OGDHL: variants seen among roughly 807,000 people sequenced by gnomAD.
The protein encoded by OGDHL is 2-oxoglutarate dehydrogenase-like, mitochondrial.
OGDHL carries 79 observed loss-of-function variants against 109.6 expected under a neutral mutation model. That is an observed-to-expected ratio of 0.72 (90% CI 0.60 to 0.87). The LOEUF (loss-of-function observed/expected upper bound fraction) is 0.87. OGDHL is among the 40% of genes least tolerant of loss of function. The probability of loss-of-function intolerance (pLI) is 0.00; values close to 1 mark genes in which losing one functional copy is unlikely to be tolerated. For missense variants in OGDHL, 1,275 were observed against 1,362.2 expected (o/e 0.94, Z 1.01); for synonymous variants, 528 against 537.2 (o/e 0.98, Z 0.24).
Position 49,737,811 on chromosome 10 carries a change from C to T in OGDHL, c.2565G>A (p.Lys855=), listed in dbSNP as rs765771416. The change falls in exon 20 of 23, where the codon AAG becomes AAA. Residue 855 remains lysine (K), a synonymous_variant. Transcript: ENST00000374103. ...PKSLLRHPEA[K]SSFDQMVSGT... ...CGGATACCATTTGGTCAAAGCTGGACTTGGCCTCTGGGTGCCTCAGCAGAG... is the reference window on the plus strand; with the variant it reads ...CGGATACCATTTGGTCAAAGCTGGATTTGGCCTCTGGGTGCCTCAGCAGAG... The T allele has an allele frequency of 6.2e-7, 1 of 1,614,202 alleles. No homozygotes were observed. Among genetic ancestry groups the T allele is most frequent in the Non-Finnish European group, 8.5e-7 (1 of 1,180,032 alleles).
rs71501480 is a variant in OGDHL at position 49,748,936 on chromosome 10, G to A, written c.987+790C>T. On this transcript the variant is annotated intron_variant, in intron 8 of 22. Transcript: ENST00000374103. ...AAGAGGCTAGGCAGTGGCCGGAAGCGGTGGCTCCATGCCTGTAATCCCAGC... is the reference window on the plus strand; with the variant it reads ...AAGAGGCTAGGCAGTGGCCGGAAGCAGTGGCTCCATGCCTGTAATCCCAGC... Among the ~76,000 whole-genome samples the A allele has an allele frequency of 1.0e-3, 153 of 152,268 alleles. 1 individual carries two copies. Among genetic ancestry groups the A allele is most frequent in the Non-Finnish European group, 1.1e-3 (75 of 68,016 alleles).
intron 20 of OGDHL, among the ~76,000 whole-genome samples, chr10:49,736,932 CCT>C (rs1841240246): frequency 6.6e-6 from 1 of 152,164 alleles, no homozygotes. Flanking sequence ...GCTGCATGCT[CCT>C]CCTCTTTCAG....
rs2133061749 is a variant in OGDHL at position 49,750,715 on chromosome 10, A to G, written c.896+124T>C. The G allele has an allele frequency of 3.0e-6, 4 of 1,334,196 alleles. No individual in the cohort carries two copies. The South Asian group carries it at 6.4e-5, about 22-fold the overall frequency. The allele number at this position is 1,334,196 out of a possible 1,614,324, so 82.6% of individuals were successfully genotyped here. A position where few individuals can be genotyped will look rare whatever the true frequency, so the allele number is the denominator to read the frequency against. Reference sequence around the variant, plus strand: ...CCAGGCCCAGGACTCAGAACTTTCCAGGAAACCCACCTCTACCCCCAGGTC... The same window carrying G: ...CCAGGCCCAGGACTCAGAACTTTCCGGGAAACCCACCTCTACCCCCAGGTC... On this transcript the variant is annotated intron_variant, in intron 7 of 22. Coordinates refer to ENST00000374103, the MANE Select transcript of OGDHL (RefSeq NM_018245.3).
At chr10:49,736,233 A>AC in intron 21 of OGDHL, 56 bp from the exon 22 acceptor site, 1 of 1,566,126 alleles carries the variant, frequency 6.4e-7, no homozygotes, top group Non-Finnish European at 8.7e-7. Flanking sequence ...TGTCCCCAGC[A>AC]CCCCCGGACA....
rs1038821358 is a variant in OGDHL at position 49,758,578 on chromosome 10, C to G, written c.15G>C (p.Arg5Ser). The change falls in exon 2 of 23, where the codon AGG becomes AGC. Residue 5 changes from arginine (R) to serine (S), a missense_variant. Coordinates refer to ENST00000374103, the MANE Select transcript of OGDHL (RefSeq NM_018245.3). MSQLRLLPSRLGVQA... is the reference protein window; with the variant it reads MSQLSLLPSRLGVQA... ...GTACCCCAAGACGGGACGGCAGCAG[C>G]CTCAGCTGACTCATTCTGGACACAG... The G allele has an allele frequency of 3.1e-6, 5 of 1,613,704 alleles. No homozygotes were observed. Among genetic ancestry groups the G allele is most frequent in the East Asian group, 2.2e-5 (1 of 44,888 alleles).
Position 49,745,892 on chromosome 10 carries a change from T to C in OGDHL, c.1382A>G (p.His461Arg). The C allele has an allele frequency of 1.2e-6, 2 of 1,614,116 alleles. No homozygotes were observed. The highest frequency in any genetic ancestry group is 1.3e-5 in the African/African-American group (1 of 75,022). Residue 461 changes from histidine to arginine, a missense_variant, in exon 11 of 23, where the codon CAT (histidine) becomes CGT (arginine). By Grantham distance (29) the His-to-Arg change is conservative (BLOSUM62 0). Transcript: ENST00000374103. ...AGCCTCTGGGTCATCGGCATTCACA[T>C]GGAAGATAGGCGCATTGACCACCCG... The part of the protein sequence containing the change: ...VARVVNAPIF[H>R]VNADDPEAVI...
intron 20 of OGDHL, among the ~76,000 whole-genome samples, chr10:49,737,578 T>C (rs1177931428): frequency 6.6e-6 from 1 of 152,192 alleles, no homozygotes; most frequent in Non-Finnish European, 1.5e-5. Flanking sequence ...GACTCTACCA[T>C]GGACGCAACC....
chr10:49,749,894 G>T (rs896858314), intron 7 of OGDHL, 78 bp from the exon 8 acceptor site: 2 of 1,293,404 alleles, frequency 1.5e-6, no homozygotes, highest in Non-Finnish European at 2.2e-6. Context: ...TGGAGGCCTG[G>T]CCTGGCCTAA....
At chr10:49,757,691 C>T (rs1189138614) in intron 2 of OGDHL, among the ~76,000 whole-genome samples, 1 of 152,184 alleles carries the variant, frequency 6.6e-6, no homozygotes, top group Non-Finnish European at 1.5e-5. Context: ...TAGTGAGGCT[C>T]TTCATGTACT....
At chr10:49,755,253 AAAG>A (rs1842849635) in intron 3 of OGDHL, among the ~76,000 whole-genome samples, 1 of 152,228 alleles carries the variant, frequency 6.6e-6, no homozygotes, top group African/African-American at 2.4e-5. Context: ...AAAAAGAAAA[AAAG>A]AAAGCACAGG....
Position 49,739,646 on chromosome 10 carries a change from C to T in OGDHL, c.2319+15G>A. ...CAGAACCCACCAAGCCACCAGCCAC[C>T]ACCGCAGCCCTCACCATGCCTTCCA... On this transcript the variant is annotated intron_variant, in intron 17 of 22. Coordinates refer to ENST00000374103, the MANE Select transcript of OGDHL (RefSeq NM_018245.3). 6.2e-7 allele frequency: 1 copy of T among 1,609,206 alleles called. No homozygotes were observed. Among genetic ancestry groups the T allele is most frequent in the Non-Finnish European group, 8.5e-7 (1 of 1,177,054 alleles).
intron 3 of OGDHL, among the ~76,000 whole-genome samples, chr10:49,753,306 AG>A (rs1206495920): frequency 6.6e-6 from 1 of 152,234 alleles, no homozygotes; most frequent in Non-Finnish European, 1.5e-5. Context: ...ATTATCCTCT[AG>A]GGGAGGGGAC....
In OGDHL at chr10:49,743,983, A is replaced by C; in HGVS notation, c.1861+11T>G. On this transcript the variant is annotated intron_variant, in intron 14 of 22. Coordinates refer to ENST00000374103, the MANE Select transcript of OGDHL (RefSeq NM_018245.3). ...CAGCAGCCTGGGCTGCAGCCTGTCC[A>C]GCAACCTCACCAGTGTGGATCTTAA... 1 of 1,611,010 alleles carries C rather than the reference A, an allele frequency of 6.2e-7. No individual in the cohort carries two copies. Among genetic ancestry groups the C allele is most frequent in the Non-Finnish European group, 8.5e-7 (1 of 1,177,652 alleles).
chr10:49,744,199 A>G, intron 13 of OGDHL, 77 bp from the exon 14 acceptor site: 1 of 1,555,196 alleles, frequency 6.4e-7, no homozygotes, highest in Admixed American at 1.8e-5. Flanking sequence ...CCTCCCCAGG[A>G]CTGAGTGGCC....
At chr10:49,741,582 G>A (rs1470145097) in intron 15 of OGDHL, among the ~76,000 whole-genome samples, 1 of 151,410 alleles carries the variant, frequency 6.6e-6, no homozygotes, top group Non-Finnish European at 1.5e-5. Context: ...GTCCCCATTT[G>A]GATTCACAAA....
intron 1 of OGDHL, among the ~76,000 whole-genome samples, chr10:49,759,558 A>G (rs1018339567): frequency 9.2e-5 from 14 of 152,156 alleles, no homozygotes; most frequent in Non-Finnish European, 4.4e-5. Context: ...AACCCCCCAG[A>G]TATCCCTATC....
intron 12 of OGDHL, among the ~76,000 whole-genome samples, chr10:49,745,097 C>A (rs373842244): frequency 7.9e-5 from 12 of 152,370 alleles, no homozygotes; most frequent in Middle Eastern, 3.4e-3. Flanking sequence ...CTACAGGAAG[C>A]CTTCCCGCAC....
intron 8 of OGDHL, among the ~76,000 whole-genome samples, chr10:49,748,953 A>G (rs2133049930): frequency 6.6e-6 from 1 of 152,286 alleles, no homozygotes. Context: ...CCATGCCTGT[A>G]ATCCCAGCAC....
At chr10:49,751,123 T>C (rs1444323566) in intron 6 of OGDHL, 138 bp from the exon 7 acceptor site, 2 of 810,828 alleles carry the variant, frequency 2.5e-6, no homozygotes, top group South Asian at 1.9e-5. Context: ...TCCACCTACA[T>C]GGTCCAGGGC....
Sources: allele counts gnomAD v4.1 joint callset (sites outside exome capture counted in the v4.1 genomes callset), GRCh38; gene constraint gnomAD v4.1.1; transcripts MANE v1.5; gene names NCBI Gene and HGNC (gene_info 2026-07-23, HGNC 2026-07-21).